SLC24A3: variants seen among roughly 807,000 people sequenced by gnomAD.
The protein encoded by SLC24A3 is sodium/potassium/calcium exchanger 3.
SLC24A3 carries 28 observed loss-of-function variants against 75.8 expected under a neutral mutation model. That is an observed-to-expected ratio of 0.37 (90% CI 0.27 to 0.51). SLC24A3 has a LOEUF of 0.51. Ranked by LOEUF, SLC24A3 falls within the 20% of genes least tolerant of loss-of-function variation. SLC24A3 has a pLI of 0.94. For missense variants in SLC24A3, 663 were observed against 847.8 expected, an observed-to-expected ratio of 0.78 and a Z score of 2.71; for synonymous variants, 372 against 334.1, an observed-to-expected ratio of 1.11 and a Z score of -1.24.
At chr20:19,266,729 G>A (rs891843212) in intron 1 of SLC24A3, among the ~76,000 whole-genome samples, 1 of 152,196 alleles carries the variant, frequency 6.6e-6, no homozygotes, top group African/African-American at 2.4e-5. Context: ...TATATTAGAT[G>A]TATGAAAAAT....
At chr20:19,649,405 G>A (rs1406098299) in intron 6 of SLC24A3, among the ~76,000 whole-genome samples, 1 of 152,146 alleles carries the variant, frequency 6.6e-6, no homozygotes, top group Non-Finnish European at 1.5e-5. Context: ...AAATGGACAG[G>A]TAGTTTCAGT....
At chr20:19,342,478 A>G (rs1020968267) in intron 2 of SLC24A3, among the ~76,000 whole-genome samples, 2 of 152,230 alleles carry the variant, frequency 1.3e-5, no homozygotes, top group African/African-American at 4.8e-5. Context: ...ATCATATTCA[A>G]TTATACAGCA....
At chr20:19,509,509 A>C (rs1172024605) in intron 2 of SLC24A3, among the ~76,000 whole-genome samples, 1 of 152,206 alleles carries the variant, frequency 6.6e-6, no homozygotes, top group African/African-American at 2.4e-5. Context: ...CACTGTCCGC[A>C]TACACTCTTT....
At chr20:19,654,363 A>G (rs913176674) in intron 7 of SLC24A3, among the ~76,000 whole-genome samples, 14 of 152,070 alleles carry the variant, frequency 9.2e-5, no homozygotes, top group Admixed American at 9.2e-4. Flanking sequence ...ATCTGGGTCT[A>G]TGAGAGTCCA....
At chr20:19,576,606 G>A (rs755977584) in intron 3 of SLC24A3, among the ~76,000 whole-genome samples, 1 of 152,128 alleles carries the variant, frequency 6.6e-6, no homozygotes, top group African/African-American at 2.4e-5. Context: ...ATGCTGCCCA[G>A]CTCACGAGAA....
chr20:19,351,262 T>TG (rs1985558883), intron 2 of SLC24A3, among the ~76,000 whole-genome samples: 1 of 152,194 alleles, frequency 6.6e-6, no homozygotes, highest in Admixed American at 6.5e-5. Context: ...CACCCAAACG[T>TG]GGGGATCATC....
intron 2 of SLC24A3, among the ~76,000 whole-genome samples, chr20:19,463,921 C>G: frequency 6.9e-6 from 1 of 145,164 alleles, no homozygotes; most frequent in Admixed American, 6.6e-5. Context: ...GGGAGGTGGC[C>G]CTGGTGCTTT....
chr20:19,581,060 T>C (rs1264445923), intron 4 of SLC24A3, among the ~76,000 whole-genome samples: 1 of 152,206 alleles, frequency 6.6e-6, no homozygotes, highest in Non-Finnish European at 1.5e-5. Context: ...ATCCTGGAAG[T>C]TAGTGTTGGA....
At chr20:19,530,400 C>T (rs531710234) in intron 3 of SLC24A3, among the ~76,000 whole-genome samples, 1 of 152,218 alleles carries the variant, frequency 6.6e-6, no homozygotes, top group South Asian at 2.1e-4. Context: ...GGAACTGGTT[C>T]AGTGGTTAAA....
intron 3 of SLC24A3, among the ~76,000 whole-genome samples, chr20:19,523,021 T>C (rs73130639): frequency 0.03 from 4,639 of 152,212 alleles, 106 homozygotes; most frequent in Non-Finnish European, 0.049. Context: ...AATGACGTGG[T>C]CTTGTATGTG....
Position 19,406,628 on chromosome 20 carries a change from A to T in SLC24A3, c.272-108860A>T, listed in dbSNP as rs186864356. 1.3e-3 allele frequency among the ~76,000 whole-genome samples: 191 copies of T among 152,296 alleles called. 1 individual carries two copies. Among genetic ancestry groups the T allele is most frequent in the Non-Finnish European group, 1.6e-3 (112 of 68,032 alleles). Reference sequence around the variant, plus strand: ...AATACAGAGTGATGAATGCAGTGAGAAAAGTGGGGTGAGCTACAGGAGACT... The same window carrying T: ...AATACAGAGTGATGAATGCAGTGAGTAAAGTGGGGTGAGCTACAGGAGACT... On this transcript the variant is annotated intron_variant, in intron 2 of 16. Coordinates refer to ENST00000328041, the MANE Select transcript of SLC24A3 (RefSeq NM_020689.4).
At chr20:19,679,369 G>A (rs557410825) in intron 9 of SLC24A3, among the ~76,000 whole-genome samples, 7 of 152,368 alleles carry the variant, frequency 4.6e-5, no homozygotes, top group Admixed American at 2.6e-4. Context: ...CAGGCGTGGC[G>A]GCACGCACCT....
At chr20:19,349,784 T>A (rs183915257) in intron 2 of SLC24A3, among the ~76,000 whole-genome samples, 13 of 152,348 alleles carry the variant, frequency 8.5e-5, no homozygotes, top group Non-Finnish European at 1.6e-4. Flanking sequence ...GCTCTACTTC[T>A]GAGGAACCCA....
chr20:19,461,348 A>T (rs187664709), intron 2 of SLC24A3, among the ~76,000 whole-genome samples: 135 of 152,216 alleles, frequency 8.9e-4, no homozygotes, highest in African/African-American at 3.2e-3. Flanking sequence ...GAAAAAGAAA[A>T]ATATATATAT....
chr20:19,403,882 A>G (rs1043197729), intron 2 of SLC24A3, among the ~76,000 whole-genome samples: 9 of 152,230 alleles, frequency 5.9e-5, no homozygotes. Context: ...TCGACCATTT[A>G]TGATTAGCAG....
chr20:19,613,009 T>C (rs1187734388), intron 6 of SLC24A3, among the ~76,000 whole-genome samples: 1 of 152,218 alleles, frequency 6.6e-6, no homozygotes, highest in African/African-American at 2.4e-5. Flanking sequence ...TCTGACTTTG[T>C]TCATGGACAT....
At chr20:19,355,497 G>A (rs566970416) in intron 2 of SLC24A3, among the ~76,000 whole-genome samples, 1 of 152,268 alleles carries the variant, frequency 6.6e-6, no homozygotes, top group South Asian at 2.1e-4. Flanking sequence ...CTTCTCTCTG[G>A]CCTCTACCTG....
chr20:19,264,471 G>C (rs2122200649), intron 1 of SLC24A3, among the ~76,000 whole-genome samples: 1 of 152,112 alleles, frequency 6.6e-6, no homozygotes, highest in East Asian at 1.9e-4. Context: ...AGTGCAGTCT[G>C]CCCAGCACTT....
chr20:19,406,653 T>G (rs1203601797), intron 2 of SLC24A3, among the ~76,000 whole-genome samples: 1 of 152,136 alleles, frequency 6.6e-6, no homozygotes, highest in Non-Finnish European at 1.5e-5. Context: ...TACAGGAGAC[T>G]GGCAGACAGA....
Sources: allele counts gnomAD v4.1 joint callset (sites outside exome capture counted in the v4.1 genomes callset), GRCh38; gene constraint gnomAD v4.1.1; transcripts MANE v1.5; gene names NCBI Gene and HGNC (gene_info 2026-07-23, HGNC 2026-07-21).